The following GRB10 variants were observed in gnomAD, a reference collection of about 807,000 sequenced individuals.
The protein encoded by GRB10 is growth factor receptor bound protein 10, also known as growth factor receptor-bound protein 10.
A neutral mutation model predicts 80.9 loss-of-function variants in GRB10; 20 were observed. The ratio of observed to expected loss-of-function variants is 0.25; its 90% CI spans 0.17 to 0.36. The LOEUF (loss-of-function observed/expected upper bound fraction) is 0.36, where lower values mean the gene tolerates loss of function less well. GRB10 is among the 10% of genes least tolerant of loss of function. GRB10 has a pLI of 1.00. For synonymous variants in GRB10, 291 were observed against 291.5 expected, an observed-to-expected ratio of 1.00 and a Z score of 0.02; for missense variants, 548 against 747.7, an observed-to-expected ratio of 0.73 and a Z score of 3.12.
At chr7:50,715,058 T>A (rs567339234) in intron 4 of GRB10, among the ~76,000 whole-genome samples, 23 of 151,716 alleles carry the variant, frequency 1.5e-4, no homozygotes, top group Non-Finnish European at 3.2e-4. Context: ...GAATCCTTGG[T>A]GGTGGCTTTT....
At chr7:50,666,675 G>A (rs957558700) in intron 7 of GRB10, among the ~76,000 whole-genome samples, 2 of 152,130 alleles carry the variant, frequency 1.3e-5, no homozygotes, top group African/African-American at 4.8e-5. Flanking sequence ...CTTGCTCTCA[G>A]ACCTGGGGTC....
At chr7:50,662,317 GA>G in intron 7 of GRB10, among the ~76,000 whole-genome samples, 1 of 152,320 alleles carries the variant, frequency 6.6e-6, no homozygotes, top group Middle Eastern at 3.4e-3. Flanking sequence ...GCACAATCAG[GA>G]AACCGAGGCT....
In GRB10 at chr7:50,626,836, G is replaced by T. The variant is rs1443897146; in HGVS notation, c.647C>A (p.Pro216Gln). Reference sequence around the variant, plus strand: ...TGGTTCCCTACCTAATCCTAGGTGCGGGTGGTGCTCCACTAGTGTCCAGCT... The same window carrying T: ...TGGTTCCCTACCTAATCCTAGGTGCTGGTGGTGCTCCACTAGTGTCCAGCT... ...DNSWTLVEHH[P>Q]HLGLERCLED... The change falls in exon 8 of 19, where the codon CCG (proline) becomes CAG (glutamine). Residue 216 changes from proline to glutamine, a missense_variant. By Grantham distance (76) the Pro-to-Gln change is moderately conservative. Around this residue, in one of 4 missense-constraint regions of GRB10, gnomAD observed 270 missense variants for 433.6 expected, o/e 0.62. Transcript: ENST00000401949. The T allele has an allele frequency of 6.2e-7, 1 of 1,614,112 alleles. No individual in the cohort carries two copies. The highest frequency in any genetic ancestry group is 8.5e-7 in the Non-Finnish European group (1 of 1,180,008).
intron 4 of GRB10, among the ~76,000 whole-genome samples, chr7:50,727,642 T>C (rs2068863390): frequency 6.6e-6 from 1 of 152,170 alleles, no homozygotes; most frequent in South Asian, 2.1e-4. Flanking sequence ...CCAAATGCCA[T>C]CTATTTGTTT....
chr7:50,660,824 G>A (rs2059192231), intron 7 of GRB10, among the ~76,000 whole-genome samples: 1 of 151,748 alleles, frequency 6.6e-6, no homozygotes, highest in South Asian at 2.1e-4. Context: ...TGATGGCGCA[G>A]CATCTTATCC....
intron 1 of GRB10, among the ~76,000 whole-genome samples, chr7:50,788,852 G>C (rs540810423): frequency 6.6e-6 from 1 of 152,150 alleles, no homozygotes; most frequent in South Asian, 2.1e-4. Context: ...GACACCAACC[G>C]TGGGGGCCTG....
At chr7:50,708,052 C>A (rs543714298) in intron 4 of GRB10, among the ~76,000 whole-genome samples, 1 of 152,320 alleles carries the variant, frequency 6.6e-6, no homozygotes, top group South Asian at 2.1e-4. Flanking sequence ...GGATTAATAA[C>A]TAATAATTTT....
chr7:50,756,582 C>T, intron 2 of GRB10, among the ~76,000 whole-genome samples: 1 of 152,210 alleles, frequency 6.6e-6, no homozygotes, highest in South Asian at 2.1e-4. Context: ...AGCAGGCAGA[C>T]CTGGGGTTCC....
intron 5 of GRB10, among the ~76,000 whole-genome samples, chr7:50,701,492 G>A (rs1358919611): frequency 6.6e-6 from 1 of 152,210 alleles, no homozygotes; most frequent in Non-Finnish European, 1.5e-5. Context: ...TCGGGAGGCT[G>A]AGGCTGGAGG....
At chr7:50,674,369 G>T (rs2060676426) in intron 6 of GRB10, 67 bp downstream of exon 6, 7 of 1,465,216 alleles carry the variant, frequency 4.8e-6, no homozygotes, top group Non-Finnish European at 5.6e-6. Context: ...TTAACTCACA[G>T]AGAGCAGTGT....
At chr7:50,720,478 G>C (rs1254158098) in intron 4 of GRB10, among the ~76,000 whole-genome samples, 1 of 152,072 alleles carries the variant, frequency 6.6e-6, no homozygotes, top group African/African-American at 2.4e-5. Context: ...CAGGTGATGA[G>C]GCCCATCTGA....
At chr7:50,647,796 G>A (rs1169073723) in intron 7 of GRB10, among the ~76,000 whole-genome samples, 10 of 152,186 alleles carry the variant, frequency 6.6e-5, no homozygotes, top group Non-Finnish European at 1.2e-4. Context: ...TCCCACAGCA[G>A]AGACCAGGCA....
At chr7:50,625,659 A>T (rs2052740919) in intron 8 of GRB10, among the ~76,000 whole-genome samples, 1 of 152,236 alleles carries the variant, frequency 6.6e-6, no homozygotes, top group African/African-American at 2.4e-5. Context: ...ATGGAGGAGA[A>T]GGCTTCTGTC....
At chr7:50,709,366 G>GC (rs2065513031) in intron 4 of GRB10, among the ~76,000 whole-genome samples, 1 of 152,206 alleles carries the variant, frequency 6.6e-6, no homozygotes, top group Non-Finnish European at 1.5e-5. Context: ...TGGTCCTCTG[G>GC]CCCCCAGTGG....
chr7:50,640,659 TTC>T (rs2056062985), intron 7 of GRB10, among the ~76,000 whole-genome samples: 1 of 152,294 alleles, frequency 6.6e-6, no homozygotes, highest in African/African-American at 2.4e-5. Context: ...AGAGCCAGCA[TTC>T]TCTCTCTTCT....
At chr7:50,669,314 C>T (rs1044694851) in intron 7 of GRB10, among the ~76,000 whole-genome samples, 17 of 152,192 alleles carry the variant, frequency 1.1e-4, no homozygotes, top group African/African-American at 4.1e-4. Context: ...GACTTAGGAG[C>T]TTACAATCAT....
At chr7:50,748,940 G>A (rs990209215) in intron 3 of GRB10, among the ~76,000 whole-genome samples, 1 of 152,136 alleles carries the variant, frequency 6.6e-6, no homozygotes, top group African/African-American at 2.4e-5. Flanking sequence ...ACTTTATAAA[G>A]AGGTGCTACA....
chr7:50,665,496 T>C (rs2059703211), intron 7 of GRB10, among the ~76,000 whole-genome samples: 1 of 152,250 alleles, frequency 6.6e-6, no homozygotes, highest in African/African-American at 2.4e-5. Flanking sequence ...CTGGGTTTAC[T>C]GGCTCCAGAT....
intron 15 of GRB10, 194 bp downstream of exon 15, chr7:50,605,096 G>A (rs979678747): frequency 2.1e-5 from 13 of 608,200 alleles, no homozygotes; most frequent in Middle Eastern, 8.8e-4. Flanking sequence ...AGGGGACAGC[G>A]GGGAAAGGCT....
Sources: gnomAD v4.1 joint callset for allele counts (sites outside exome capture counted in the v4.1 genomes callset) on GRCh38, gnomAD v4.1.1 for gene constraint, gnomAD v4.1.1 regional missense constraint, MANE v1.5 for transcripts, NCBI Gene and HGNC (gene_info 2026-07-23, HGNC 2026-07-21) for gene names.